The following MTHFD1L variants were observed in gnomAD, a reference collection of about 807,000 sequenced individuals.
The protein encoded by MTHFD1L is monofunctional C1-tetrahydrofolate synthase, mitochondrial.
A neutral mutation model predicts 119.5 loss-of-function variants in MTHFD1L; 81 were observed. The ratio of observed to expected loss-of-function variants is 0.68; its 90% CI spans 0.57 to 0.82. The LOEUF (loss-of-function observed/expected upper bound fraction) is 0.82, where lower values mean the gene tolerates loss of function less well. Ranked by LOEUF, MTHFD1L falls within the 40% of genes least tolerant of loss-of-function variation. The probability of loss-of-function intolerance (pLI) is 0.00; values close to 1 mark genes in which losing one functional copy is unlikely to be tolerated. For synonymous variants in MTHFD1L, 430 were observed against 475.2 expected (o/e 0.90, Z 1.24); for missense variants, 1,125 against 1,253.4 (o/e 0.90, Z 1.55).
rs1331838835 is a variant in MTHFD1L at position 150,949,118 on chromosome 6, A to G, written c.1711A>G (p.Ile571Val). ...CCGTCTCGACATCGACCCATCTACCATCACGTGGCAGAGAGGTGGGTGCTG... is the reference window on the plus strand; with the variant it reads ...CCGTCTCGACATCGACCCATCTACCGTCACGTGGCAGAGAGGTGGGTGCTG... ...FARLDIDPST[I>V]TWQRVLDTND... is the part of the protein sequence containing the mutation. Residue 571 changes from isoleucine to valine, a missense_variant, in exon 16 of 28, where the codon ATC becomes GTC. Ile to Val is a conservative substitution (Grantham distance 29). Transcript: ENST00000367321. The G allele has an allele frequency of 3.1e-6, 5 of 1,613,764 alleles. No individual in the cohort carries two copies. The African/African-American group carries it at 5.3e-5, about 17-fold the overall frequency.
At chr6:150,966,224 G>A (rs1005109832) in intron 19 of MTHFD1L, among the ~76,000 whole-genome samples, 3 of 152,160 alleles carry the variant, frequency 2.0e-5, no homozygotes, top group African/African-American at 7.2e-5. Context: ...AGTTCTGCAG[G>A]CTGTACAGGA....
chr6:151,082,993 A>C (rs1793355251), intron 26 of MTHFD1L, among the ~76,000 whole-genome samples: 1 of 152,102 alleles, frequency 6.6e-6, no homozygotes, highest in African/African-American at 2.4e-5. Flanking sequence ...TTGCACTTGC[A>C]GTTCTCCTTC....
chr6:150,875,746 G>A (rs1430498438), intron 1 of MTHFD1L, among the ~76,000 whole-genome samples: 1 of 152,090 alleles, frequency 6.6e-6, no homozygotes, highest in Non-Finnish European at 1.5e-5. Context: ...TGGCAGCGGA[G>A]TATGGTGGAG....
chr6:150,871,891 A>ATTTTTTTTTTTTTTTTTTTTTTTTTTT (rs1562287413), intron 1 of MTHFD1L, among the ~76,000 whole-genome samples: 1 of 147,052 alleles, frequency 6.8e-6, no homozygotes, highest in African/African-American at 2.5e-5. Context: ...ATTTTATTTT[A>ATTTTTTTTTTTTTTTTTTTTTTTTTTT]TTTTTTGAGA....
chr6:151,099,984 G>A, intron 27 of MTHFD1L: 2 of 797,484 alleles, frequency 2.5e-6, no homozygotes, highest in East Asian at 2.5e-5. Flanking sequence ...ACAGCCATCT[G>A]GCATCTTCCT....
chr6:151,014,915 C>G lies in MTHFD1L; in HGVS notation c.2343C>G (p.Leu781=). Residue 781 remains leucine (L), a synonymous_variant, in exon 23 of 28, where the codon CTC becomes CTG. Coordinates refer to ENST00000367321, the MANE Select transcript of MTHFD1L (RefSeq NM_015440.5). ...IQLVADGCCN[L]QKQIQITQLF... ...TGGTGGCAGACGGCTGCTGTAACCT[C>G]CAGAAGCAAATTCAGATCACTCAGC... is the stretch of plus-strand genomic sequence containing the variant. 6.2e-7 allele frequency: 1 copy of G among 1,614,096 alleles called. No individual in the cohort carries two copies. Among genetic ancestry groups the G allele is most frequent in the Non-Finnish European group, 8.5e-7 (1 of 1,180,010 alleles).
At chr6:151,035,726 T>G (rs1786066182) in intron 25 of MTHFD1L, among the ~76,000 whole-genome samples, 2 of 152,236 alleles carry the variant, frequency 1.3e-5, no homozygotes, top group Admixed American at 1.3e-4. Context: ...ATTCTAATAT[T>G]AAGTCTTTTC....
chr6:150,918,579 A>G lies in MTHFD1L; in HGVS notation c.895A>G (p.Lys299Glu). 6.2e-7 allele frequency: 1 copy of G among 1,612,358 alleles called. No homozygotes were observed. The highest frequency in any genetic ancestry group is 1.3e-5 in the African/African-American group (1 of 74,960). Residue 299 changes from lysine to glutamate, a missense_variant and splice_region_variant, in exon 9 of 28, where the codon AAG becomes GAG. By Grantham distance (56) the Lys-to-Glu change is moderately conservative. This residue lies in a region of MTHFD1L where 1,058 missense variants were observed against 1,151.2 expected (regional missense o/e 0.92). Transcript: ENST00000367321. ...TTTTTCCCTCCAATTTTTTACAGGG[A>G]AGGTTGGGTGTGGCTCTCCAAGAAT... ...LNCSHDFLSGKVGCGSPRIHF... is the reference protein window; with the variant it reads ...LNCSHDFLSGEVGCGSPRIHF...
At chr6:151,030,500 A>T (rs1464255706) in intron 24 of MTHFD1L, among the ~76,000 whole-genome samples, 1 of 152,190 alleles carries the variant, frequency 6.6e-6, no homozygotes, top group East Asian at 1.9e-4. Context: ...TTTATTTCTT[A>T]AAAAAGGTTG....
intron 1 of MTHFD1L, among the ~76,000 whole-genome samples, chr6:150,875,213 G>A (rs1321978521): frequency 2.0e-5 from 3 of 151,902 alleles, no homozygotes; most frequent in South Asian, 4.2e-4. Context: ...GTGCCATCAC[G>A]CCCAGCTAAA....
At chr6:151,060,713 G>A (rs1390749626) in intron 26 of MTHFD1L, among the ~76,000 whole-genome samples, 1 of 152,208 alleles carries the variant, frequency 6.6e-6, no homozygotes, top group Non-Finnish European at 1.5e-5. Flanking sequence ...CACTGCATGG[G>A]GAGGAAACAG....
At chr6:151,007,245 C>T (rs985404384) in intron 20 of MTHFD1L, among the ~76,000 whole-genome samples, 14 of 151,878 alleles carry the variant, frequency 9.2e-5, no homozygotes, top group African/African-American at 3.4e-4. Context: ...AGGCAAACTC[C>T]GTCCCTCCCA....
At chr6:150,871,696 G>A (rs1562286857) in intron 1 of MTHFD1L, among the ~76,000 whole-genome samples, 3 of 150,998 alleles carry the variant, frequency 2.0e-5, no homozygotes, top group East Asian at 3.9e-4. Flanking sequence ...TAGAAACGGG[G>A]TTTCACCATA....
At chr6:151,058,840 A>AT (rs551028974) in intron 26 of MTHFD1L, among the ~76,000 whole-genome samples, 4 of 152,122 alleles carry the variant, frequency 2.6e-5, no homozygotes, top group Middle Eastern at 3.4e-3. Flanking sequence ...CGCCAGGCTA[A>AT]TTTTTTTTGT....
intron 17 of MTHFD1L, among the ~76,000 whole-genome samples, chr6:150,956,757 A>T (rs998426881): frequency 6.6e-6 from 1 of 152,054 alleles, no homozygotes; most frequent in Non-Finnish European, 1.5e-5. Context: ...TTAAGTTTTT[A>T]TTAGTGAAAA....
chr6:150,874,817 C>T (rs1375289655), intron 1 of MTHFD1L, among the ~76,000 whole-genome samples: 3 of 151,434 alleles, frequency 2.0e-5, no homozygotes, highest in Non-Finnish European at 4.4e-5. Context: ...GGCTGGAGTG[C>T]GGTGGCACAA....
At position 150,865,839 on chromosome 6, in the gene MTHFD1L, C is replaced by A. The variant is rs1230106419; in HGVS notation, c.17C>A (p.Pro6Gln). MGTRL[P>Q]LVLRQLRRPP... The stretch of plus-strand genomic sequence containing the variant: ...TCCCGCGCCATGGGCACGCGTCTGC[C>A]GCTCGTCCTGCGCCAGCTCCGCCGC... The change falls in exon 1 of 28, where the codon CCG (proline) becomes CAG (glutamine). Residue 6 changes from proline (P) to glutamine (Q), a missense_variant. Coordinates refer to ENST00000367321, the MANE Select transcript of MTHFD1L (RefSeq NM_015440.5). The A allele has an allele frequency of 2.4e-6, 3 of 1,260,926 alleles. No homozygotes were observed. The highest frequency in any genetic ancestry group is 2.0e-5 in the South Asian group (1 of 48,930). 78.1% of individuals were successfully genotyped at this position (1,260,926 alleles called of 1,614,324 possible).
At chr6:150,921,369 C>T (rs1018624450) in intron 9 of MTHFD1L, among the ~76,000 whole-genome samples, 3 of 152,152 alleles carry the variant, frequency 2.0e-5, no homozygotes, top group Admixed American at 6.5e-5. Flanking sequence ...TCCCGCCTAC[C>T]TCAGCCTCCC....
chr6:151,073,340 C>T (rs1021365171), intron 26 of MTHFD1L, among the ~76,000 whole-genome samples: 2 of 152,224 alleles, frequency 1.3e-5, no homozygotes, highest in Non-Finnish European at 2.9e-5. Flanking sequence ...CTGCCTCCCA[C>T]ACAGTAGCCA....
Sources: allele counts gnomAD v4.1 joint callset (sites outside exome capture counted in the v4.1 genomes callset), GRCh38; gene constraint gnomAD v4.1.1; regional missense constraint gnomAD v4.1.1; transcripts MANE v1.5; gene names NCBI Gene and HGNC (gene_info 2026-07-23, HGNC 2026-07-21).